Variants in IGSF11 observed in about 807,000 individuals in gnomAD.
IGSF11 encodes immunoglobulin superfamily member 11, also known as CXADR like 1.
Under a neutral mutation model 41.0 loss-of-function variants are expected in IGSF11, and 22 were observed. That is an observed-to-expected ratio of 0.54 (90% CI 0.38 to 0.77). The LOEUF is 0.77. Ranked by LOEUF, IGSF11 falls within the 30% of genes least tolerant of loss-of-function variation. The pLI is 0.00. For synonymous variants in IGSF11, 219 were observed against 201.3 expected (o/e 1.09, Z -0.74); for missense variants, 444 against 530.8 (o/e 0.84, Z 1.61).
At chr3:118,926,362 T>G in intron 3 of IGSF11, 106 bp from the exon 4 acceptor site, 1 of 911,894 alleles carries the variant, frequency 1.1e-6, no homozygotes, top group South Asian at 2.1e-5. Context: ...TTACACTGTT[T>G]TGGGAACATA....
intron 1 of IGSF11, among the ~76,000 whole-genome samples, chr3:119,053,781 C>T (rs568184275): frequency 8.6e-5 from 13 of 151,560 alleles, no homozygotes; most frequent in South Asian, 2.1e-4. Context: ...ACAAGGCTAT[C>T]GTTACCAAAA....
rs1016110836 is a variant in IGSF11 at position 119,084,595 on chromosome 3, A to C, written c.49+20549T>G. On this transcript the variant is annotated intron_variant, in intron 1 of 6. Transcript: ENST00000354673. Reference sequence around the variant, plus strand: ...CCCAGCTAATCACCAGGAAGAAAGCAAGGCTTTCTTCTACATGGGACTGGG... The same window carrying C: ...CCCAGCTAATCACCAGGAAGAAAGCCAGGCTTTCTTCTACATGGGACTGGG... Among the ~76,000 whole-genome samples the C allele has an allele frequency of 1.5e-3, 226 of 152,290 alleles. 1 individual carries two copies. The highest frequency in any genetic ancestry group is 5.3e-3 in the African/African-American group (221 of 41,552).
chr3:119,040,375 G>C (rs899456383), intron 1 of IGSF11, among the ~76,000 whole-genome samples: 7 of 152,110 alleles, frequency 4.6e-5, no homozygotes, highest in African/African-American at 1.4e-4. Context: ...CTGAATGTCT[G>C]GGGAGACTGA....
chr3:118,937,509 T>G (rs1025313768), intron 1 of IGSF11, among the ~76,000 whole-genome samples: 2 of 148,586 alleles, frequency 1.3e-5, no homozygotes, highest in African/African-American at 2.5e-5. Flanking sequence ...CCATCTCAAC[T>G]AAAAAAAAAA....
chr3:119,003,659 G>A (rs1444363919), intron 1 of IGSF11, among the ~76,000 whole-genome samples: 2 of 151,848 alleles, frequency 1.3e-5, no homozygotes, highest in African/African-American at 4.9e-5. Flanking sequence ...TTTATTGAGA[G>A]TTTTTAGCAT....
In IGSF11 at chr3:118,951,850, ATGTTT is replaced by A. The variant is rs569361749; in HGVS notation, c.53-21580_53-21576del. On this transcript the variant is annotated intron_variant, in intron 1 of 6. Transcript: ENST00000393775. ...TAAATATAGTATTGTTTCTATTTGT[ATGTTT>A]TATCATTGTGTTTTTTTAAAATTTT... Among the ~76,000 whole-genome samples the A allele has an allele frequency of 2.4e-3, 366 of 152,230 alleles. 2 individuals carry two copies. The highest frequency in any genetic ancestry group is 8.0e-3 in the African/African-American group (334 of 41,546).
In IGSF11 at chr3:119,122,388, C is replaced by T. The variant is rs1278202798; in HGVS notation, c.-13-17183G>A. Among the ~76,000 whole-genome samples the T allele has an allele frequency of 2.6e-5, 4 of 152,278 alleles. No homozygotes were observed. In the East Asian group the frequency reaches 7.7e-4, roughly 29 times the overall value. ...CCCTAGCCAGAGGGAAATTGCCCAT[C>T]CCAAAAAAACTTAAGTTCTAGAAAG... On this transcript the variant is annotated intron_variant, in intron 1 of 7. Transcript: ENST00000425327.
intron 1 of IGSF11, among the ~76,000 whole-genome samples, chr3:119,138,263 T>C (rs1398209984): frequency 6.6e-6 from 1 of 152,156 alleles, no homozygotes; most frequent in East Asian, 1.9e-4. Context: ...AGAGATATCT[T>C]CACTCCCATG....
At chr3:119,139,802 CA>C (rs2077616377) in intron 1 of IGSF11, among the ~76,000 whole-genome samples, 1 of 152,132 alleles carries the variant, frequency 6.6e-6, no homozygotes, top group Admixed American at 6.6e-5. Context: ...AAATCAATTA[CA>C]ATAGCTGTGT....
chr3:119,117,428 G>A (rs1327426714), intron 1 of IGSF11, among the ~76,000 whole-genome samples: 1 of 152,122 alleles, frequency 6.6e-6, no homozygotes, highest in Non-Finnish European at 1.5e-5. Flanking sequence ...CTTGTGCAGG[G>A]AAACACCTCT....
At chr3:119,113,259 C>T (rs1354671774) in intron 1 of IGSF11, among the ~76,000 whole-genome samples, 1 of 152,144 alleles carries the variant, frequency 6.6e-6, no homozygotes, top group East Asian at 1.9e-4. Context: ...CCAATAGTCC[C>T]CCAAAGTCTT....
At chr3:118,906,388 C>T (rs929499752) in intron 4 of IGSF11, among the ~76,000 whole-genome samples, 1 of 152,068 alleles carries the variant, frequency 6.6e-6, no homozygotes, top group Non-Finnish European at 1.5e-5. Context: ...CAGGCTGCAA[C>T]ACAGTTTTAT....
intron 1 of IGSF11, among the ~76,000 whole-genome samples, chr3:119,022,451 T>C (rs1939387992): frequency 6.6e-6 from 1 of 152,212 alleles, no homozygotes; most frequent in Non-Finnish European, 1.5e-5. Context: ...CCACAATTTT[T>C]AAAATAATGT....
At chr3:119,057,753 T>C (rs1268553396) in intron 1 of IGSF11, among the ~76,000 whole-genome samples, 1 of 152,204 alleles carries the variant, frequency 6.6e-6, no homozygotes, top group Non-Finnish European at 1.5e-5. Context: ...CAAAACAGCA[T>C]GGTACTGGTA....
intron 1 of IGSF11, among the ~76,000 whole-genome samples, chr3:119,009,224 T>C (rs540830544): frequency 6.6e-6 from 1 of 152,282 alleles, no homozygotes; most frequent in East Asian, 1.9e-4. Context: ...GAAATTCTGT[T>C]ACCCAAGCTT....
At chr3:118,977,143 C>T (rs771724212) in intron 1 of IGSF11, among the ~76,000 whole-genome samples, 1 of 152,100 alleles carries the variant, frequency 6.6e-6, no homozygotes, top group Non-Finnish European at 1.5e-5. Flanking sequence ...AACACATATT[C>T]CCCAGATTTT....
chr3:119,029,037 TA>T (rs1222912180), intron 1 of IGSF11, among the ~76,000 whole-genome samples: 1 of 151,446 alleles, frequency 6.6e-6, no homozygotes, highest in African/African-American at 2.4e-5. Flanking sequence ...ATAAAAAGTT[TA>T]AAATATGAAA....
At chr3:118,907,461 T>C (rs114984580) in intron 4 of IGSF11, among the ~76,000 whole-genome samples, 68 of 152,092 alleles carry the variant, frequency 4.5e-4, no homozygotes, top group African/African-American at 1.6e-3. Context: ...CAGAGGGGGA[T>C]AGGGGAGCAT....
intron 4 of IGSF11, among the ~76,000 whole-genome samples, chr3:118,923,456 T>G (rs1235012388): frequency 6.6e-6 from 1 of 152,230 alleles, no homozygotes; most frequent in Admixed American, 6.5e-5. Flanking sequence ...AATTTAACTC[T>G]GATCTAATAG....
Sources: gnomAD v4.1 joint callset for allele counts (sites outside exome capture counted in the v4.1 genomes callset) on GRCh38, gnomAD v4.1.1 for gene constraint, MANE v1.5 for transcripts, NCBI Gene and HGNC (gene_info 2026-07-23, HGNC 2026-07-21) for gene names.